The following PLCH1 variants were observed in gnomAD, a reference collection of about 807,000 sequenced individuals.
PLCH1 encodes phospholipase C eta 1.
A neutral mutation model predicts 126.7 loss-of-function variants in PLCH1; 60 were observed. The ratio of observed to expected loss-of-function variants is 0.47; its 90% CI spans 0.38 to 0.59. PLCH1 has a LOEUF of 0.59. Ranked by LOEUF, PLCH1 falls within the 20% of genes least tolerant of loss-of-function variation. PLCH1 has a pLI of 0.00. For missense variants in PLCH1, 1,723 were observed against 2,040.0 expected, an observed-to-expected ratio of 0.84 and a Z score of 2.99; for synonymous variants, 719 against 734.9, an observed-to-expected ratio of 0.98 and a Z score of 0.35.
intron 2 of PLCH1, among the ~76,000 whole-genome samples, chr3:155,639,087 A>G (rs1739076796): frequency 6.6e-6 from 1 of 152,188 alleles, no homozygotes; most frequent in Non-Finnish European, 1.5e-5. Context: ...TCGGTTAAAT[A>G]AATGAGTAAA....
intron 21 of PLCH1, among the ~76,000 whole-genome samples, chr3:155,461,496 GAA>G (rs1712723724): frequency 6.6e-6 from 1 of 151,992 alleles, no homozygotes; most frequent in African/African-American, 2.4e-5. Context: ...GTACTTTTAA[GAA>G]AAGACTCAAG....
chr3:155,683,905 T>C (rs960709466), intron 2 of PLCH1, among the ~76,000 whole-genome samples: 1 of 152,164 alleles, frequency 6.6e-6, no homozygotes, highest in Admixed American at 6.5e-5. Context: ...GCTGGATGAC[T>C]AGAGTGGAAA....
At chr3:155,708,184 G>C (rs1190927891) in intron 1 of PLCH1, among the ~76,000 whole-genome samples, 2 of 152,192 alleles carry the variant, frequency 1.3e-5, no homozygotes, top group Admixed American at 1.3e-4. Context: ...AGAATCTCTA[G>C]GGGTGGGATT....
chr3:155,463,406 AC>A lies in PLCH1; in HGVS notation c.2938+21949del, dbSNP rs1712802318. Among the ~76,000 whole-genome samples, 5 of 152,184 alleles carry A rather than the reference AC, an allele frequency of 3.3e-5. No homozygotes were observed. In the South Asian group the frequency reaches 1.0e-3, roughly 32 times the overall value. ...AAGTCCTTATTATCATAACACTAAC[AC>A]CCAGCTGAGTACCTAGCCCAGACTA... On this transcript the variant is annotated intron_variant, in intron 21 of 21. Coordinates refer to the PLCH1 transcript ENST00000494598.
chr3:155,725,474 G>A lies in PLCH1; in HGVS notation c.-41+19366C>T, dbSNP rs185088773. Among the ~76,000 whole-genome samples, 343 of 141,822 alleles carry A rather than the reference G, an allele frequency of 2.4e-3. 3 individuals carry two copies. The highest frequency in any genetic ancestry group is 9.0e-3 in the African/African-American group (336 of 37,380). The allele number at this position is 141,822 out of a possible 152,430, so 93.0% of individuals were successfully genotyped here. A position where few individuals can be genotyped will look rare whatever the true frequency, so the allele number is the denominator to read the frequency against. ...CACTTTTTTTTTTTTTTGAGACAGAGTCTCACTCTGTCCCCCAGGCTGGAG... is the reference window on the plus strand; with the variant it reads ...CACTTTTTTTTTTTTTTGAGACAGAATCTCACTCTGTCCCCCAGGCTGGAG... On this transcript the variant is annotated intron_variant, in intron 1 of 22. Coordinates refer to ENST00000460012, the MANE Select transcript of PLCH1 (RefSeq NM_014996.4).
At chr3:155,653,958 A>G (rs1258642488) in intron 2 of PLCH1, among the ~76,000 whole-genome samples, 2 of 151,592 alleles carry the variant, frequency 1.3e-5, no homozygotes, top group Non-Finnish European at 2.9e-5. Context: ...ACTCAAAAAA[A>G]ATTGTCTGTC....
Position 155,583,567 on chromosome 3 carries a change from T to G in PLCH1, c.676A>C (p.Arg226=). 1 of 1,603,738 alleles carries G rather than the reference T, an allele frequency of 6.2e-7. No homozygotes were observed. The highest frequency in any genetic ancestry group is 8.5e-7 in the Non-Finnish European group (1 of 1,176,696). Residue 226 remains arginine, a synonymous_variant, in exon 6 of 23, where the codon AGA becomes CGA. Transcript: ENST00000460012. ...AAAAGTAACAAATAAAGGTCTCGTC[T>G]CAAAGACATCATTTTGTAAAAAACA... ...FCVFYKMMSL[R]RDLYLLLLSY... is the part of the protein sequence containing the mutation.
At chr3:155,724,918 G>A (rs1213518483) in intron 1 of PLCH1, among the ~76,000 whole-genome samples, 1 of 150,822 alleles carries the variant, frequency 6.6e-6, no homozygotes, top group Non-Finnish European at 1.5e-5. Flanking sequence ...GTATTTCAAG[G>A]ATTTGTTTCA....
intron 1 of PLCH1, among the ~76,000 whole-genome samples, 165 bp downstream of exon 1, chr3:155,744,675 C>CCCA (rs1303570744): frequency 1.3e-5 from 2 of 152,198 alleles, no homozygotes; most frequent in African/African-American, 4.8e-5. Flanking sequence ...TTAGGGGATC[C>CCCA]CCACGCACAG....
intron 21 of PLCH1, among the ~76,000 whole-genome samples, chr3:155,473,608 G>T (rs1345436733): frequency 6.6e-6 from 1 of 151,730 alleles, no homozygotes; most frequent in African/African-American, 2.4e-5. Context: ...AAAAGAGCCC[G>T]CATCGCCAAG....
chr3:155,711,350 C>A (rs530018292), intron 1 of PLCH1, among the ~76,000 whole-genome samples: 1 of 152,064 alleles, frequency 6.6e-6, no homozygotes, highest in Non-Finnish European at 1.5e-5. Context: ...GTAGTTAACA[C>A]GACCAAAATT....
At chr3:155,683,499 C>A (rs1283381198) in intron 2 of PLCH1, among the ~76,000 whole-genome samples, 2 of 152,086 alleles carry the variant, frequency 1.3e-5, no homozygotes, top group African/African-American at 4.8e-5. Context: ...AGCTTGCAGC[C>A]AGGGAACACT....
intron 13 of PLCH1, among the ~76,000 whole-genome samples, chr3:155,502,239 T>C (rs17454795): frequency 0.015 from 2,220 of 152,322 alleles, 22 homozygotes; most frequent in Non-Finnish European, 0.025. Context: ...ATTGGATCTT[T>C]AGAAAGAGTG....
chr3:155,457,017 T>A (rs1336780181), intron 21 of PLCH1: 1 of 152,314 alleles, frequency 6.6e-6, no homozygotes, highest in African/African-American at 2.4e-5. Flanking sequence ...TGGCATCTGA[T>A]TTGGGAACAG....
At chr3:155,475,969 C>A (rs1033045820), downstream of PLCH1, among the ~76,000 whole-genome samples, 1 of 151,896 alleles carries the variant, frequency 6.6e-6, no homozygotes, top group Non-Finnish European at 1.5e-5. Context: ...TTCTATGAAG[C>A]CAGTATTACC....
chr3:155,669,003 G>A (rs1390673092), intron 2 of PLCH1, among the ~76,000 whole-genome samples: 1 of 152,170 alleles, frequency 6.6e-6, no homozygotes, highest in African/African-American at 2.4e-5. Context: ...CATAAATGGT[G>A]TAACTCCTTT....
chr3:155,700,854 A>C (rs1223488294), intron 2 of PLCH1, among the ~76,000 whole-genome samples: 1 of 152,234 alleles, frequency 6.6e-6, no homozygotes, highest in Non-Finnish European at 1.5e-5. Flanking sequence ...TAAGCCATTA[A>C]GACAGGGTTC....
At chr3:155,559,182 T>C (rs954449550) in intron 8 of PLCH1, among the ~76,000 whole-genome samples, 1 of 152,096 alleles carries the variant, frequency 6.6e-6, no homozygotes, top group Non-Finnish European at 1.5e-5. Context: ...CAACCTGAGT[T>C]CAAATCCCAG....
At chr3:155,533,831 T>A (rs181677990) in intron 10 of PLCH1, among the ~76,000 whole-genome samples, 5 of 152,322 alleles carry the variant, frequency 3.3e-5, no homozygotes, top group African/African-American at 4.8e-5. Flanking sequence ...GGGGCCAACA[T>A]TCAGCTCAGG....
Sources: allele counts gnomAD v4.1 joint callset (sites outside exome capture counted in the v4.1 genomes callset), GRCh38; gene constraint gnomAD v4.1.1; transcripts MANE v1.5; gene names NCBI Gene and HGNC (gene_info 2026-07-23, HGNC 2026-07-21).